OPCML: variants seen among roughly 807,000 people sequenced by gnomAD.
The protein encoded by OPCML is opioid-binding protein/cell adhesion molecule.
Under a neutral mutation model 37.8 loss-of-function variants are expected in OPCML, and 13 were observed. The ratio of observed to expected loss-of-function variants is 0.34; its 90% CI spans 0.22 to 0.55. The LOEUF (loss-of-function observed/expected upper bound fraction) is 0.55, where lower values mean the gene tolerates loss of function less well. OPCML is among the 20% of genes least tolerant of loss of function. The pLI is 0.91. For synonymous variants in OPCML, 176 were observed against 168.8 expected (o/e 1.04, Z -0.33); for missense variants, 341 against 435.6 (o/e 0.78, Z 1.93).
intron 1 of OPCML, among the ~76,000 whole-genome samples, chr11:133,123,266 C>T (rs1774534155): frequency 6.6e-6 from 1 of 152,076 alleles, no homozygotes; most frequent in African/African-American, 2.4e-5. Flanking sequence ...CCTTGTGCTA[C>T]CCTTGTATTT....
chr11:133,493,615 C>A (rs1314974544), intron 1 of OPCML, among the ~76,000 whole-genome samples: 2 of 151,572 alleles, frequency 1.3e-5, no homozygotes, highest in African/African-American at 4.8e-5. Context: ...CTCTTTGTCT[C>A]CATTTAAAAA....
intron 1 of OPCML, among the ~76,000 whole-genome samples, chr11:133,139,704 T>G (rs990221132): frequency 2.0e-5 from 3 of 152,224 alleles, no homozygotes; most frequent in African/African-American, 7.2e-5. Flanking sequence ...TGTTGGGCCA[T>G]GTCTAATTTT....
At chr11:133,043,985 T>C (rs1366435671) in intron 1 of OPCML, among the ~76,000 whole-genome samples, 1 of 152,244 alleles carries the variant, frequency 6.6e-6, no homozygotes, top group Non-Finnish European at 1.5e-5. Context: ...ATAACTGTTC[T>C]CACTAGGCTT....
chr11:132,944,152 GC>G (rs1035362333), intron 1 of OPCML, among the ~76,000 whole-genome samples: 77 of 152,214 alleles, frequency 5.1e-4, no homozygotes, highest in Non-Finnish European at 9.4e-4. Flanking sequence ...CGGAGAGAAC[GC>G]GGCGCCCCTC....
At position 132,585,650 on chromosome 11, in the gene OPCML, C is replaced by T. The variant is rs143643869; in HGVS notation, c.380-56464G>A. Among the ~76,000 whole-genome samples, 521 of 152,266 alleles carry T rather than the reference C, an allele frequency of 3.4e-3. 5 individuals are homozygous for T. Among genetic ancestry groups the T allele is most frequent in the African/African-American group, 0.012 (496 of 41,562 alleles). ...GTCACTAAGGATGGGTCAAATTTTT[C>T]AAGACCTATGGAGATATGGACTAAA... On this transcript the variant is annotated intron_variant, in intron 3 of 7. Transcript: ENST00000524381.
intron 1 of OPCML, among the ~76,000 whole-genome samples, chr11:133,103,398 A>G (rs2137076182): frequency 6.6e-6 from 1 of 152,314 alleles, no homozygotes; most frequent in Middle Eastern, 3.4e-3. Context: ...TGCCCCCTCT[A>G]TACCAGGAAA....
intron 2 of OPCML, among the ~76,000 whole-genome samples, chr11:132,858,823 G>T (rs556951922): frequency 4.6e-5 from 7 of 152,224 alleles, no homozygotes; most frequent in African/African-American, 1.7e-4. Context: ...TAATTCAATG[G>T]GTCCTTGTGA....
chr11:133,193,005 A>T (rs897628123), intron 1 of OPCML, among the ~76,000 whole-genome samples: 8 of 152,102 alleles, frequency 5.3e-5, no homozygotes, highest in African/African-American at 1.9e-4. Context: ...CATAGACCAT[A>T]GAAGTGTTTG....
At chr11:132,554,863 G>GTTTTTTTTTTTTTTTTTTTTTTTTTTT (rs5795789) in intron 3 of OPCML, among the ~76,000 whole-genome samples, 7 of 64,028 alleles carry the variant, frequency 1.1e-4, no homozygotes, top group Admixed American at 3.0e-4. Context: ...ATGGGGTAAA[G>GTTTTTTTTTTTTTTTTTTTTTTTTTTT]TTTTTTTTTT....
At position 133,289,581 on chromosome 11, in the gene OPCML, C is replaced by T. The variant is rs1389290492; in HGVS notation, c.61+242683G>A. On this transcript the variant is annotated intron_variant, in intron 1 of 7. Transcript: ENST00000524381. ...CTGCACTCCAGCCTGGGCGACAGAGCGAGACTCCATCTCAAAAAAAAAAAA... is the reference window on the plus strand; with the variant it reads ...CTGCACTCCAGCCTGGGCGACAGAGTGAGACTCCATCTCAAAAAAAAAAAA... 5.3e-3 allele frequency among the ~76,000 whole-genome samples: 652 copies of T among 123,144 alleles called. 6 individuals are homozygous for T. The highest frequency in any genetic ancestry group is 0.02 in the African/African-American group (599 of 30,650). 80.8% of individuals were successfully genotyped at this position (123,144 alleles called of 152,430 possible).
intron 2 of OPCML, among the ~76,000 whole-genome samples, chr11:132,768,589 G>A (rs982637563): frequency 2.6e-5 from 4 of 152,044 alleles, no homozygotes; most frequent in African/African-American, 9.7e-5. Flanking sequence ...CAAACCATTC[G>A]GTCTCCGAAT....
intron 1 of OPCML, chr11:133,421,835 G>GCCAT: frequency 1.1e-6 from 1 of 906,708 alleles, no homozygotes; most frequent in Non-Finnish European, 1.3e-6. Context: ...GCAGAAACAA[G>GCCAT]CCATCCCTAC....
At chr11:132,805,934 C>T (rs1437655405) in intron 2 of OPCML, among the ~76,000 whole-genome samples, 2 of 151,846 alleles carry the variant, frequency 1.3e-5, no homozygotes, top group Non-Finnish European at 2.9e-5. Flanking sequence ...AGATGGAATT[C>T]AAAACATATG....
intron 1 of OPCML, among the ~76,000 whole-genome samples, chr11:133,276,193 C>T (rs989326857): frequency 8.5e-5 from 13 of 152,070 alleles, no homozygotes; most frequent in Non-Finnish European, 4.4e-5. Flanking sequence ...AAGATAGAAT[C>T]GCTGGGTTTC....
Position 133,399,418 on chromosome 11 carries a change from G to A in OPCML, c.61+132846C>T, listed in dbSNP as rs186973497. ...TGGATGGCAAAAAAACAGCTAACAT[G>A]TCTAACACAGTGCTGGATCTACAGC... On this transcript the variant is annotated intron_variant, in intron 1 of 7. Transcript: ENST00000524381. Among the ~76,000 whole-genome samples, 222 of 152,264 alleles carry A rather than the reference G, an allele frequency of 1.5e-3. 1 individual carries two copies. The highest frequency in any genetic ancestry group is 5.2e-3 in the South Asian group (25 of 4,820).
chr11:133,301,804 C>G (rs1052049251), intron 1 of OPCML: 1 of 151,910 alleles, frequency 6.6e-6, no homozygotes, highest in South Asian at 2.1e-4. Flanking sequence ...TGAACATATA[C>G]AAGATAGTAT....
At chr11:132,822,847 T>C (rs1940074971) in intron 2 of OPCML, among the ~76,000 whole-genome samples, 1 of 152,230 alleles carries the variant, frequency 6.6e-6, no homozygotes, top group Admixed American at 6.5e-5. Flanking sequence ...CCTTTCTGAC[T>C]AATTTACTAG....
chr11:133,213,655 C>T (rs1338576865), intron 1 of OPCML, among the ~76,000 whole-genome samples: 1 of 152,142 alleles, frequency 6.6e-6, no homozygotes, highest in Non-Finnish European at 1.5e-5. Context: ...ACATGAGATG[C>T]TAAAAGTTAC....
intron 1 of OPCML, among the ~76,000 whole-genome samples, chr11:133,480,132 C>A (rs1947342009): frequency 6.6e-6 from 1 of 152,184 alleles, no homozygotes; most frequent in Non-Finnish European, 1.5e-5. Context: ...GCACATCCAC[C>A]CCTTCCCTTC....
Sources: allele counts gnomAD v4.1 joint callset (sites outside exome capture counted in the v4.1 genomes callset), GRCh38; gene constraint gnomAD v4.1.1; transcripts MANE v1.5; gene names NCBI Gene and HGNC (gene_info 2026-07-23, HGNC 2026-07-21).